Variants in ARID4B observed in about 807,000 individuals in gnomAD.
ARID4B encodes the protein AT-rich interactive domain-containing protein 4B.
ARID4B carries 26 observed loss-of-function variants against 147.5 expected under a neutral mutation model. The ratio of observed to expected loss-of-function variants is 0.18; its 90% CI spans 0.13 to 0.24. ARID4B has a LOEUF of 0.24. Among genes scored for constraint, ARID4B ranks in the 10% least tolerant of loss-of-function variants. The pLI is 1.00. For missense variants in ARID4B, 1,179 were observed against 1,511.5 expected (o/e 0.78, Z 3.65); for synonymous variants, 512 against 507.9 (o/e 1.01, Z -0.11).
At chr1:235,303,783 C>T (rs1162042234) in intron 2 of ARID4B, among the ~76,000 whole-genome samples, 1 of 152,156 alleles carries the variant, frequency 6.6e-6, no homozygotes, top group Non-Finnish European at 1.5e-5. Flanking sequence ...ATGAATCTGA[C>T]TTCCAAAAAT....
At chr1:235,296,846 G>GGAGGAAGGGAGGAAGGGAGAGA (rs1553313981) in intron 2 of ARID4B, among the ~76,000 whole-genome samples, 1 of 139,562 alleles carries the variant, frequency 7.2e-6, no homozygotes, top group Non-Finnish European at 1.6e-5. Flanking sequence ...AGGGAGGAAG[G>GGAGGAAGGGAGGAAGGGAGAGA]AGGGAGGGAA....
intron 17 of ARID4B, among the ~76,000 whole-genome samples, chr1:235,205,377 T>C (rs1666239779): frequency 6.6e-6 from 1 of 152,216 alleles, no homozygotes; most frequent in Admixed American, 6.5e-5. Context: ...ATCAAATTCA[T>C]TCCAGTCTCT....
At chr1:235,184,782 T>C (rs917677584) in intron 19 of ARID4B, among the ~76,000 whole-genome samples, 3 of 152,206 alleles carry the variant, frequency 2.0e-5, no homozygotes, top group Admixed American at 6.5e-5. Context: ...ATAGTTATAG[T>C]CATCTCTTAC....
intron 17 of ARID4B, among the ~76,000 whole-genome samples, chr1:235,200,736 A>G (rs1305981717): frequency 6.6e-6 from 1 of 152,242 alleles, no homozygotes; most frequent in Non-Finnish European, 1.5e-5. Flanking sequence ...CATTTAGTAT[A>G]TATTAAAAAG....
At chr1:235,219,522 G>C (rs1442572786) in intron 16 of ARID4B, among the ~76,000 whole-genome samples, 1 of 152,064 alleles carries the variant, frequency 6.6e-6, no homozygotes, top group Non-Finnish European at 1.5e-5. Context: ...AAGTAATTCA[G>C]CAGACCTAAA....
intron 8 of ARID4B, among the ~76,000 whole-genome samples, chr1:235,236,790 G>A (rs1286518006): frequency 7.6e-6 from 1 of 130,750 alleles, no homozygotes; most frequent in Non-Finnish European, 1.6e-5. Context: ...TGGGATTACA[G>A]GTGTGAGCCG....
chr1:235,185,724 T>G (rs185625844), intron 19 of ARID4B, among the ~76,000 whole-genome samples: 9 of 152,348 alleles, frequency 5.9e-5, no homozygotes, highest in Admixed American at 5.2e-4. Flanking sequence ...GGTACAGAAT[T>G]CTAGGTTAAA....
rs528230943 is a variant in ARID4B, at chr1:235,237,360, A to G, written c.586-2868T>C. Among the ~76,000 whole-genome samples, 3 of 152,318 alleles carry G rather than the reference A, an allele frequency of 2.0e-5. No homozygotes were observed. In the South Asian group the frequency reaches 6.2e-4, roughly 32 times the overall value. ...TAAATAATAATACCTATCTCATAAT[A>G]GGTGTTAGCACACTCCTTGTACATA... On this transcript the variant is annotated intron_variant, in intron 8 of 23. Transcript: ENST00000264183.
chr1:235,258,875 T>C (rs1670137276), intron 3 of ARID4B, among the ~76,000 whole-genome samples: 1 of 152,226 alleles, frequency 6.6e-6, no homozygotes, highest in African/African-American at 2.4e-5. Flanking sequence ...CACCTTTAGA[T>C]AGAGCTTAGC....
intron 2 of ARID4B, among the ~76,000 whole-genome samples, chr1:235,316,036 T>A (rs1674402514): frequency 6.6e-6 from 1 of 151,744 alleles, no homozygotes; most frequent in Non-Finnish European, 1.5e-5. Flanking sequence ...TAAATTAAAT[T>A]AATAAATAAT....
chr1:235,196,609 T>A (rs1216688351), intron 17 of ARID4B, among the ~76,000 whole-genome samples: 1 of 152,088 alleles, frequency 6.6e-6, no homozygotes, highest in Non-Finnish European at 1.5e-5. Context: ...TCCTAGCACT[T>A]TTGGGAGACC....
At chr1:235,262,986 G>A (rs1325912493) in intron 2 of ARID4B, among the ~76,000 whole-genome samples, 1 of 152,084 alleles carries the variant, frequency 6.6e-6, no homozygotes, top group Non-Finnish European at 1.5e-5. Flanking sequence ...TTTATAGAGA[G>A]AGAAACAATT....
At chr1:235,205,980 T>C (rs896548006) in intron 17 of ARID4B, among the ~76,000 whole-genome samples, 3 of 152,170 alleles carry the variant, frequency 2.0e-5, no homozygotes, top group East Asian at 1.9e-4. Context: ...CAGAGTTATA[T>C]ATAAATGAGG....
chr1:235,236,135 C>T (rs1307650162), intron 8 of ARID4B, among the ~76,000 whole-genome samples: 2 of 151,672 alleles, frequency 1.3e-5, no homozygotes, highest in African/African-American at 2.4e-5. Flanking sequence ...TGAATTTACT[C>T]GATTTATAAA....
At chr1:235,253,915 T>TGA (rs1441793530) in intron 5 of ARID4B, among the ~76,000 whole-genome samples, 2 of 152,200 alleles carry the variant, frequency 1.3e-5, no homozygotes, top group Non-Finnish European at 2.9e-5. Flanking sequence ...TATTGAGAAA[T>TGA]GATTAATGGT....
chr1:235,201,745 A>G (rs2102980608), intron 17 of ARID4B, among the ~76,000 whole-genome samples: 1 of 152,120 alleles, frequency 6.6e-6, no homozygotes, highest in East Asian at 1.9e-4. Flanking sequence ...TCAGCTGGGC[A>G]CGGTGGCGCA....
chr1:235,318,664 T>C (rs1674609314), intron 2 of ARID4B, among the ~76,000 whole-genome samples: 1 of 152,156 alleles, frequency 6.6e-6, no homozygotes, highest in South Asian at 2.1e-4. Context: ...GAGGATCACT[T>C]GAGCTCAGGA....
At chr1:235,175,066 C>T (rs1343144966) in intron 22 of ARID4B, 118 bp downstream of exon 22, 8 of 870,456 alleles carry the variant, frequency 9.2e-6, no homozygotes, top group Admixed American at 2.2e-5. Context: ...AAGATCGCAC[C>T]ACCGCACTCC....
chr1:235,200,581 A>C (rs1665844003), intron 17 of ARID4B, among the ~76,000 whole-genome samples: 1 of 152,262 alleles, frequency 6.6e-6, no homozygotes, highest in Non-Finnish European at 1.5e-5. Context: ...AATTAATTTA[A>C]GAAAGCAATA....
Sources: gnomAD v4.1 joint callset for allele counts (sites outside exome capture counted in the v4.1 genomes callset) on GRCh38, gnomAD v4.1.1 for gene constraint, MANE v1.5 for transcripts, NCBI Gene and HGNC (gene_info 2026-07-23, HGNC 2026-07-21) for gene names.